The following SND1 variants were observed in gnomAD, a reference collection of about 807,000 sequenced individuals.
SND1 encodes staphylococcal nuclease domain-containing protein 1.
Under a neutral mutation model 121.7 loss-of-function variants are expected in SND1, and 38 were observed. The observed-to-expected ratio is 0.31, with a 90% confidence interval of 0.24 to 0.41. The LOEUF is 0.41. Among genes scored for constraint, SND1 ranks in the 10% least tolerant of loss-of-function variants. SND1 has a pLI of 1.00. For missense variants in SND1, 868 were observed against 1,184.6 expected, an observed-to-expected ratio of 0.73 and a Z score of 3.92; for synonymous variants, 401 against 447.4, an observed-to-expected ratio of 0.90 and a Z score of 1.31.
intron 15 of SND1, among the ~76,000 whole-genome samples, chr7:127,942,525 A>G (rs1723098924): frequency 6.6e-6 from 1 of 152,178 alleles, no homozygotes; most frequent in African/African-American, 2.4e-5. Flanking sequence ...TCTGGTTTCT[A>G]GCAGCAGGAT....
At chr7:127,734,097 C>T (rs953449633) in intron 10 of SND1, among the ~76,000 whole-genome samples, 5 of 151,996 alleles carry the variant, frequency 3.3e-5, no homozygotes, top group African/African-American at 9.7e-5. Flanking sequence ...CCAGGATTTT[C>T]GTCTCTGACA....
At chr7:127,877,381 T>G (rs1412704923) in intron 12 of SND1, among the ~76,000 whole-genome samples, 2 of 152,170 alleles carry the variant, frequency 1.3e-5, no homozygotes, top group East Asian at 3.9e-4. Context: ...ATTCTACTGC[T>G]TCCATGTATA....
At chr7:127,792,129 A>G (rs188980643) in intron 10 of SND1, among the ~76,000 whole-genome samples, 63 of 152,286 alleles carry the variant, frequency 4.1e-4, no homozygotes, top group Non-Finnish European at 5.0e-4. Flanking sequence ...TGTGTTACCA[A>G]TTGTTGAATC....
At chr7:127,691,779 AT>A (rs75566883) in intron 2 of SND1, among the ~76,000 whole-genome samples, 162 of 127,072 alleles carry the variant, frequency 1.3e-3, no homozygotes, top group African/African-American at 2.5e-3. Context: ...TGCCTGGCTA[AT>A]TTTTTTTTTT....
chr7:127,964,086 C>CT (rs1563072623), intron 15 of SND1, among the ~76,000 whole-genome samples: 2 of 150,000 alleles, frequency 1.3e-5, no homozygotes, highest in African/African-American at 4.9e-5. Flanking sequence ...CCTTCGCCCA[C>CT]TTTTTGATGG....
intron 10 of SND1, among the ~76,000 whole-genome samples, chr7:127,773,325 G>A (rs140572601): frequency 0.023 from 3,448 of 152,168 alleles, 136 homozygotes; most frequent in African/African-American, 0.078. Flanking sequence ...GGTGGCGCAC[G>A]CCTGTAGTCC....
intron 12 of SND1, among the ~76,000 whole-genome samples, chr7:127,854,055 A>C (rs1185423851): frequency 6.6e-6 from 1 of 152,154 alleles, no homozygotes; most frequent in Non-Finnish European, 1.5e-5. Context: ...CAGGGTTTGC[A>C]AACTTTCTGA....
chr7:127,915,970 T>A (rs965462137), intron 14 of SND1, among the ~76,000 whole-genome samples: 1 of 151,680 alleles, frequency 6.6e-6, no homozygotes, highest in Non-Finnish European at 1.5e-5. Context: ...ATCTTTGAAA[T>A]GGGAGTAGAA....
At chr7:127,713,334 G>A (rs1268668463) in intron 9 of SND1, among the ~76,000 whole-genome samples, 2 of 152,212 alleles carry the variant, frequency 1.3e-5, no homozygotes, top group Non-Finnish European at 2.9e-5. Context: ...AAAAATACAT[G>A]CATTACTTTT....
At chr7:127,850,250 T>C (rs1301752543) in intron 12 of SND1, among the ~76,000 whole-genome samples, 1 of 152,208 alleles carries the variant, frequency 6.6e-6, no homozygotes, top group Non-Finnish European at 1.5e-5. Context: ...CTGACTACAG[T>C]TGTATAGCTT....
chr7:127,997,546 A>G (rs1802694842), intron 16 of SND1: 1 of 361,392 alleles, frequency 2.8e-6, no homozygotes, highest in Admixed American at 3.7e-5. Flanking sequence ...CCATTTGCTC[A>G]TGTATGTCTA....
chr7:127,735,204 C>T (rs1337043958), intron 10 of SND1, among the ~76,000 whole-genome samples: 1 of 152,132 alleles, frequency 6.6e-6, no homozygotes, highest in Admixed American at 6.5e-5. Flanking sequence ...AAAGTGCCAC[C>T]TGGACCTGGA....
At chr7:127,736,133 C>T (rs1330326097) in intron 10 of SND1, among the ~76,000 whole-genome samples, 1 of 152,180 alleles carries the variant, frequency 6.6e-6, no homozygotes, top group East Asian at 1.9e-4. Flanking sequence ...AATTTTCATT[C>T]ATTATTTTCA....
intron 17 of SND1, among the ~76,000 whole-genome samples, chr7:128,080,601 G>A (rs74948919): frequency 1.2e-3 from 189 of 152,348 alleles, no homozygotes; most frequent in Non-Finnish European, 2.2e-3. Flanking sequence ...GCCCTGCAGA[G>A]TGCCACGGGG....
intron 16 of SND1, among the ~76,000 whole-genome samples, chr7:128,046,206 C>T (rs558697008): frequency 1.7e-4 from 26 of 152,254 alleles, no homozygotes; most frequent in Non-Finnish European, 3.1e-4. Context: ...AAGCAATCCT[C>T]CCAACCTCAG....
At chr7:127,901,964 A>G (rs1282124333) in intron 13 of SND1, among the ~76,000 whole-genome samples, 1 of 152,206 alleles carries the variant, frequency 6.6e-6, no homozygotes, top group Non-Finnish European at 1.5e-5. Flanking sequence ...TAAATGTCAT[A>G]TGTATACTAT....
intron 11 of SND1, among the ~76,000 whole-genome samples, chr7:127,817,916 C>G (rs1563023943): frequency 6.6e-6 from 1 of 151,968 alleles, no homozygotes; most frequent in Non-Finnish European, 1.5e-5. Context: ...TTCATCAGCT[C>G]ACAGTTCCTA....
At chr7:127,838,757 CAA>C (rs1161698274) in intron 11 of SND1, among the ~76,000 whole-genome samples, 1 of 152,068 alleles carries the variant, frequency 6.6e-6, no homozygotes, top group Non-Finnish European at 1.5e-5. Context: ...TGATGATTTC[CAA>C]AGTCTAATGA....
chr7:127,720,394 G>T (rs1796471344), intron 9 of SND1, among the ~76,000 whole-genome samples: 1 of 152,070 alleles, frequency 6.6e-6, no homozygotes, highest in African/African-American at 2.4e-5. Context: ...GTAATAAAGT[G>T]TTGCTTCAAA....
Sources: allele counts gnomAD v4.1 joint callset (sites outside exome capture counted in the v4.1 genomes callset), GRCh38; gene constraint gnomAD v4.1.1; transcripts MANE v1.5; gene names NCBI Gene and HGNC (gene_info 2026-07-23, HGNC 2026-07-21).